UGT1A8: variants seen among roughly 807,000 people sequenced by gnomAD.
The protein encoded by UGT1A8 is UDP-glucuronosyltransferase 1A8.
A neutral mutation model predicts 45.3 loss-of-function variants in UGT1A8; 39 were observed. The observed-to-expected ratio is 0.86, with a 90% confidence interval of 0.67 to 1.12. The LOEUF is 1.12. Ranked by LOEUF, UGT1A8 falls within the 50% of genes most tolerant of loss-of-function variation. The pLI is 0.00. For missense variants in UGT1A8, 719 were observed against 664.9 expected (o/e 1.08, Z -0.90); for synonymous variants, 275 against 249.2 (o/e 1.10, Z -0.97).
At chr2:233,668,567 AC>A (rs2074122875) in intron 1 of UGT1A8, among the ~76,000 whole-genome samples, 1 of 152,198 alleles carries the variant, frequency 6.6e-6, no homozygotes, top group African/African-American at 2.4e-5. Context: ...TTGGATACAT[AC>A]CCAGTAATGG....
At chr2:233,692,958 G>T (rs753851963) in intron 1 of UGT1A8, 3 of 1,607,532 alleles carry the variant, frequency 1.9e-6, no homozygotes, top group Non-Finnish European at 1.7e-6. Context: ...CTGTGATTTG[G>T]AGAGTGAAAA....
At chr2:233,659,515 G>A (rs1333298993) in intron 1 of UGT1A8, among the ~76,000 whole-genome samples, 1 of 152,102 alleles carries the variant, frequency 6.6e-6, no homozygotes, top group Non-Finnish European at 1.5e-5. Context: ...AAGTGGGAGT[G>A]GATCATCATA....
At chr2:233,696,744 T>C (rs1490233452) in intron 1 of UGT1A8, among the ~76,000 whole-genome samples, 1 of 152,200 alleles carries the variant, frequency 6.6e-6, no homozygotes, top group African/African-American at 2.4e-5. Context: ...CTTTTCAGTA[T>C]GATGTTAGCT....
At chr2:233,647,507 AG>A (rs1223272144) in intron 1 of UGT1A8, among the ~76,000 whole-genome samples, 1 of 152,238 alleles carries the variant, frequency 6.6e-6, no homozygotes, top group African/African-American at 2.4e-5. Flanking sequence ...TGAAGTCATC[AG>A]AACTTTACCG....
chr2:233,627,632 C>CCTTT lies in UGT1A8; in HGVS notation c.855+9073_855+9074insTCTT, dbSNP rs142501649. Among the ~76,000 whole-genome samples the CCTTT allele has an allele frequency of 1.1e-4, 12 of 107,638 alleles. 1 individual carries two copies. In the South Asian group the frequency reaches 1.4e-3, roughly 12 times the overall value. 70.6% of individuals were successfully genotyped at this position (107,638 alleles called of 152,430 possible). A position where few individuals can be genotyped will look rare whatever the true frequency, so the allele number is the denominator to read the frequency against. ...CCCTTCCTTCCTTCCTTTCTTCCTT[C>CCTTT]CTTCCTTCCTTCCTTCCTTCCTTCC... On this transcript the variant is annotated intron_variant, in intron 1 of 4. Transcript: ENST00000373450.
intron 1 of UGT1A8, chr2:233,682,916 T>C (rs2125525062): frequency 1.3e-6 from 2 of 1,487,110 alleles, no homozygotes; most frequent in Non-Finnish European, 1.8e-6. Context: ...GTTTAAGGAA[T>C]TCTTTTGTAC....
intron 1 of UGT1A8, among the ~76,000 whole-genome samples, chr2:233,640,296 A>G (rs1345115174): frequency 6.6e-6 from 1 of 152,096 alleles, no homozygotes; most frequent in Non-Finnish European, 1.5e-5. Context: ...GTATTAATTC[A>G]TCTATCCCCT....
At chr2:233,671,721 G>C in intron 1 of UGT1A8, 6 of 1,089,148 alleles carry the variant, frequency 5.5e-6, no homozygotes, top group Non-Finnish European at 7.3e-6. Context: ...ATAAGCTACT[G>C]TTGTCTGGAA....
chr2:233,770,117 C>T (rs1700019979), intron 4 of UGT1A8: 1 of 152,326 alleles, frequency 6.6e-6, no homozygotes, highest in Non-Finnish European at 1.5e-5. Context: ...CTAAGAACAA[C>T]TTGGTGAAAG....
intron 1 of UGT1A8, chr2:233,729,470 CAATGTTGAACA>C: frequency 6.2e-7 from 1 of 1,614,122 alleles, no homozygotes; most frequent in African/African-American, 1.3e-5. Context: ...AGAAGTATGG[CAATGTTGAACA>C]ATATGTCTTT....
Position 233,644,256 on chromosome 2 carries a change from A to G in UGT1A8, c.855+25694A>G, listed in dbSNP as rs368375335. ...ACCTCTGAGATCAGCAATTTCCCTC[A>G]GCCTAGGGCTGGTTTAAATGCTCCC... On this transcript the variant is annotated intron_variant, in intron 1 of 4. Transcript: ENST00000373450. 4.5e-4 allele frequency among the ~76,000 whole-genome samples: 68 copies of G among 152,256 alleles called. No individual in the cohort carries two copies. The South Asian group carries it at 0.013, about 30-fold the overall frequency.
intron 1 of UGT1A8, chr2:233,755,362 C>T (rs1695882393): frequency 8.2e-6 from 3 of 365,832 alleles, no homozygotes; most frequent in Admixed American, 3.9e-5. Context: ...CGACCTGGGC[C>T]GCCTGGAGGG....
rs45544935 is a variant in UGT1A8, at chr2:233,636,579, C to T, written c.855+18017C>T. On this transcript the variant is annotated intron_variant, in intron 1 of 4. Transcript: ENST00000373450. ...CTTTATGTGTGTGTCTACTGCTGAC[C>T]TGTGGCTTTGCCGAGGCAGGGAAGC... 2.5e-5 allele frequency: 40 copies of T among 1,614,130 alleles called. No homozygotes were observed. The African/African-American group carries it at 5.2e-4, about 21-fold the overall frequency.
intron 1 of UGT1A8, chr2:233,682,523 GGGT>G (rs774986893): frequency 1.2e-6 from 2 of 1,613,852 alleles, no homozygotes; most frequent in Middle Eastern, 1.7e-4. Flanking sequence ...ACTTCTCTTA[GGGT>G]TCTCAGACGC....
chr2:233,671,123 A>G (rs937642400), intron 1 of UGT1A8, among the ~76,000 whole-genome samples: 2 of 152,216 alleles, frequency 1.3e-5, no homozygotes, highest in African/African-American at 4.8e-5. Context: ...CAGCAGACTG[A>G]GAGAGACAAG....
intron 1 of UGT1A8, among the ~76,000 whole-genome samples, chr2:233,622,192 C>T (rs187446888): frequency 4.6e-4 from 70 of 152,210 alleles, no homozygotes; most frequent in Non-Finnish European, 6.6e-4. Context: ...AATAAACATA[C>T]GTGTGCATGT....
intron 1 of UGT1A8, among the ~76,000 whole-genome samples, chr2:233,673,306 C>T (rs2074256536): frequency 6.6e-6 from 1 of 152,116 alleles, no homozygotes; most frequent in Non-Finnish European, 1.5e-5. Flanking sequence ...CCAATACAGA[C>T]AGATTTGACA....
intron 1 of UGT1A8, among the ~76,000 whole-genome samples, chr2:233,726,737 G>T (rs1199458141): frequency 6.6e-6 from 1 of 152,134 alleles, no homozygotes; most frequent in Non-Finnish European, 1.5e-5. Flanking sequence ...TACTTTTGTG[G>T]GGCTGTGATT....
chr2:233,692,785 T>C (rs1043155018), intron 1 of UGT1A8: 2 of 1,351,836 alleles, frequency 1.5e-6, no homozygotes, highest in African/African-American at 1.5e-5. Flanking sequence ...GAAGCTCAGG[T>C]GAAAGCTGAC....
Sources: allele counts gnomAD v4.1 joint callset (sites outside exome capture counted in the v4.1 genomes callset), GRCh38; gene constraint gnomAD v4.1.1; transcripts MANE v1.5; gene names NCBI Gene and HGNC (gene_info 2026-07-23, HGNC 2026-07-21).